The following JAKMIP3 variants were observed in gnomAD, a reference collection of about 807,000 sequenced individuals.
JAKMIP3 encodes Janus kinase and microtubule interacting protein 3, also known as janus kinase and microtubule-interacting protein 3.
A neutral mutation model predicts 118.5 loss-of-function variants in JAKMIP3; 58 were observed. The ratio of observed to expected loss-of-function variants is 0.49; its 90% CI spans 0.40 to 0.61. JAKMIP3 has a LOEUF of 0.61. JAKMIP3 is among the 20% of genes least tolerant of loss of function. The pLI, the probability that JAKMIP3 is intolerant of heterozygous loss-of-function variation, is 0.00. For missense variants in JAKMIP3, 950 were observed against 1,109.0 expected, an observed-to-expected ratio of 0.86 and a Z score of 2.04; for synonymous variants, 486 against 451.2, an observed-to-expected ratio of 1.08 and a Z score of -0.98.
intron 1 of JAKMIP3, among the ~76,000 whole-genome samples, chr10:132,047,899 G>T (rs1240324546): frequency 6.6e-6 from 1 of 152,024 alleles, no homozygotes; most frequent in Non-Finnish European, 1.5e-5. Flanking sequence ...CGAGCTGACG[G>T]TGCATGGAGC....
intron 10 of JAKMIP3, among the ~76,000 whole-genome samples, chr10:132,140,876 C>T (rs1381907048): frequency 6.6e-6 from 1 of 152,232 alleles, no homozygotes; most frequent in East Asian, 1.9e-4. Context: ...GCCTACGCCC[C>T]TTCTGCATAG....
chr10:132,155,581 A>C (rs1031538985), intron 19 of JAKMIP3, among the ~76,000 whole-genome samples: 1 of 152,208 alleles, frequency 6.6e-6, no homozygotes, highest in Admixed American at 6.5e-5. Flanking sequence ...TGTGGAAGCC[A>C]GTGTGTGAGC....
chr10:132,047,699 C>T (rs188888503), intron 1 of JAKMIP3, among the ~76,000 whole-genome samples: 2 of 57,858 alleles, frequency 3.5e-5, no homozygotes. Flanking sequence ...CCCCCGCAGG[C>T]TGGCGGTGTA....
In JAKMIP3 at chr10:132,183,244, T is replaced by C. The variant is rs1013898539; in HGVS notation, c.*1991T>C. The C allele has an allele frequency of 2.6e-5, 4 of 152,226 alleles. No individual in the cohort carries two copies. Among genetic ancestry groups the C allele is most frequent in the African/African-American group, 7.2e-5 (3 of 41,448 alleles). 9.4% of individuals were successfully genotyped at this position (152,226 alleles called of 1,614,324 possible). ...TCTACGATGCAGGCATCCAGAAATATGTTGTAACTCTACCTGGCTCCCTGC... is the reference window on the plus strand; with the variant it reads ...TCTACGATGCAGGCATCCAGAAATACGTTGTAACTCTACCTGGCTCCCTGC... On this transcript the variant is annotated 3_prime_UTR_variant, in exon 24 of 24. Transcript: ENST00000684848.
chr10:132,080,487 G>T (rs2041586289), intron 1 of JAKMIP3, among the ~76,000 whole-genome samples: 1 of 92,190 alleles, frequency 1.1e-5, no homozygotes, highest in Non-Finnish European at 2.3e-5. Context: ...TTATTTTCTT[G>T]CTGTCAAGTT....
chr10:132,128,379 GGT>G (rs2049997804), intron 3 of JAKMIP3, among the ~76,000 whole-genome samples: 1 of 152,056 alleles, frequency 6.6e-6, no homozygotes, highest in South Asian at 2.1e-4. Flanking sequence ...GATGTGTCTA[GGT>G]GTGTTTTTGT....
intron 1 of JAKMIP3, among the ~76,000 whole-genome samples, chr10:132,097,975 C>CAT (rs1554928317): frequency 2.9e-5 from 1 of 34,556 alleles, no homozygotes; most frequent in Non-Finnish European, 5.8e-5. Context: ...CCTTCCTTTT[C>CAT]TCCCCTTCCC....
intron 1 of JAKMIP3, among the ~76,000 whole-genome samples, chr10:132,043,935 G>A (rs1422724632): frequency 6.6e-6 from 1 of 152,208 alleles, no homozygotes; most frequent in Non-Finnish European, 1.5e-5. Context: ...TGAGCAATGA[G>A]ATTCAAGATC....
chr10:132,136,333 A>G (rs2051764989), intron 6 of JAKMIP3, among the ~76,000 whole-genome samples: 1 of 152,186 alleles, frequency 6.6e-6, no homozygotes, highest in African/African-American at 2.4e-5. Flanking sequence ...CTGTTTGCCC[A>G]CGTCTCACTC....
rs2037841439 is a variant in JAKMIP3 at position 132,044,176 on chromosome 10, C to T, written c.-138+7438C>T. On this transcript the variant is annotated intron_variant, in intron 1 of 23. Coordinates refer to the JAKMIP3 transcript ENST00000657785. The surrounding 1 kb of genome is among the most constrained non-coding windows in gnomAD (Gnocchi z 5.3). ...GGGGGCTTCTCTGGGCCCTCAGCTG[C>T]CCTTAGGGCCGCCCTTCCAGGTGGC... is the stretch of plus-strand genomic sequence containing the variant. Among the ~76,000 whole-genome samples the T allele has an allele frequency of 6.6e-6, 1 of 152,242 alleles. No homozygotes were observed. Among genetic ancestry groups the T allele is most frequent in the Non-Finnish European group, 1.5e-5 (1 of 68,040 alleles).
intron 1 of JAKMIP3, among the ~76,000 whole-genome samples, chr10:132,095,895 GT>G (rs1299359856): frequency 1.3e-5 from 2 of 152,244 alleles, no homozygotes; most frequent in Non-Finnish European, 2.9e-5. Context: ...GACAGTGCCT[GT>G]CTGGGTGCTC....
intron 17 of JAKMIP3, among the ~76,000 whole-genome samples, 156 bp from the exon 18 acceptor site, chr10:132,153,603 C>T (rs1251545144): frequency 1.3e-5 from 2 of 152,158 alleles, no homozygotes; most frequent in Non-Finnish European, 2.9e-5. Context: ...ATGATGCCAG[C>T]GCAGCCTCAA....
At chr10:132,161,922 C>CT (rs1491194482) in intron 19 of JAKMIP3, among the ~76,000 whole-genome samples, 1 of 126,358 alleles carries the variant, frequency 7.9e-6, no homozygotes, top group Non-Finnish European at 1.9e-5. Context: ...ATGTGTGGGC[C>CT]TCTCTCTCCA....
At position 132,142,011 on chromosome 10, in the gene JAKMIP3, A is replaced by C; in HGVS notation, c.1565A>C (p.Gln522Pro). ...CGTGCCTACGCTTTGTTGCAGGAGC[A>C]GGTTGGAGGGACGCTGGACGCAGAG... ...LQRAYALLQE[Q>P]VGGTLDAERE... Residue 522 changes from glutamine to proline, a missense_variant, in exon 11 of 24, where the codon CAG (glutamine) becomes CCG (proline). Gln to Pro is a moderately conservative substitution (Grantham distance 76, BLOSUM62 -1). Coordinates refer to ENST00000684848, the MANE Select transcript of JAKMIP3 (RefSeq NM_001323087.2). 6.2e-7 allele frequency: 1 copy of C among 1,609,070 alleles called. No homozygotes were observed. The highest frequency in any genetic ancestry group is 8.5e-7 in the Non-Finnish European group (1 of 1,178,010).
At chr10:132,077,179 CTAGAAGGGG>C (rs762670986) in intron 1 of JAKMIP3, among the ~76,000 whole-genome samples, 3 of 152,168 alleles carry the variant, frequency 2.0e-5, no homozygotes, top group Non-Finnish European at 4.4e-5. Context: ...CACGCTTAGC[CTAGAAGGGG>C]TAGATCCAGG....
At chr10:132,129,128 A>G (rs1371255438) in intron 3 of JAKMIP3, among the ~76,000 whole-genome samples, 1 of 152,158 alleles carries the variant, frequency 6.6e-6, no homozygotes, top group Non-Finnish European at 1.5e-5. Context: ...GCAGACAAGT[A>G]CTGACCAGCA....
intron 23 of JAKMIP3, among the ~76,000 whole-genome samples, chr10:132,174,082 G>T (rs905840836): frequency 2.0e-5 from 3 of 151,666 alleles, no homozygotes; most frequent in African/African-American, 4.8e-5. Flanking sequence ...GTGGTTTCTG[G>T]TGTGCTTGTG....
In JAKMIP3 at chr10:132,079,276, G is replaced by C. The variant is rs114252901; in HGVS notation, c.-138+13215G>C. Among the ~76,000 whole-genome samples the C allele has an allele frequency of 1.5e-3, 229 of 152,340 alleles. 2 individuals are homozygous for C. The highest frequency in any genetic ancestry group is 5.4e-3 in the African/African-American group (225 of 41,574). Reference sequence around the variant, plus strand: ...ACATAGAGTTCCCCATATTAGATGGGTCCATTTGCTGCCTCTTGCTGTTTT... The same window carrying C: ...ACATAGAGTTCCCCATATTAGATGGCTCCATTTGCTGCCTCTTGCTGTTTT... On this transcript the variant is annotated intron_variant, in intron 1 of 23. Transcript: ENST00000684848.
intron 1 of JAKMIP3, among the ~76,000 whole-genome samples, chr10:132,072,462 G>A (rs187767269): frequency 1.3e-5 from 2 of 152,220 alleles, no homozygotes; most frequent in Admixed American, 1.3e-4. Context: ...TTGATCCCAG[G>A]AGTTCAAGGC....
Sources: gnomAD v4.1 joint callset for allele counts (sites outside exome capture counted in the v4.1 genomes callset) on GRCh38, gnomAD v4.1.1 for gene constraint, Gnocchi (gnomAD v3.1) non-coding constraint, MANE v1.5 for transcripts, NCBI Gene and HGNC (gene_info 2026-07-23, HGNC 2026-07-21) for gene names.